The following PBX1 variants were observed in gnomAD, a reference collection of about 807,000 sequenced individuals.
PBX1 encodes PBX homeobox 1, also known as pre-B-cell leukemia transcription factor 1.
In PBX1, 6 loss-of-function variants were observed where a neutral mutation model predicts 53.4. That is an observed-to-expected ratio of 0.11 (90% CI 0.06 to 0.22). The LOEUF is 0.22. Among genes scored for constraint, PBX1 ranks in the 10% least tolerant of loss-of-function variants. The pLI, the probability that PBX1 is intolerant of heterozygous loss-of-function variation, is 1.00. For synonymous variants in PBX1, 204 were observed against 212.3 expected, an observed-to-expected ratio of 0.96 and a Z score of 0.34; for missense variants, 251 against 551.4, an observed-to-expected ratio of 0.46 and a Z score of 5.46.
At chr1:164,631,311 A>T (rs1658398687) in intron 2 of PBX1, among the ~76,000 whole-genome samples, 1 of 151,888 alleles carries the variant, frequency 6.6e-6, no homozygotes, top group Non-Finnish European at 1.5e-5. Flanking sequence ...ACAGTATTCA[A>T]AGTGCTTTCT....
chr1:164,865,118 G>A (rs937411742), intron 2 of PBX1, among the ~76,000 whole-genome samples: 11 of 152,224 alleles, frequency 7.2e-5, no homozygotes, highest in Non-Finnish European at 2.9e-5. Flanking sequence ...TGGAGCTTCA[G>A]AACAATCCTG....
intron 2 of PBX1, among the ~76,000 whole-genome samples, chr1:164,753,808 A>G (rs1437990153): frequency 6.6e-6 from 1 of 152,034 alleles, no homozygotes; most frequent in Non-Finnish European, 1.5e-5. Context: ...TTTCCTTTTC[A>G]ATTTGGGCCC....
chr1:164,755,663 A>G lies in PBX1; in HGVS notation c.266-36831A>G, dbSNP rs188820992. Reference sequence around the variant, plus strand: ...GTCGGCAGTGAGGTAAAGTGAAACAAAAGACAGTGTCCCCAACTCTGCCAT... The same window carrying G: ...GTCGGCAGTGAGGTAAAGTGAAACAGAAGACAGTGTCCCCAACTCTGCCAT... On this transcript the variant is annotated intron_variant, in intron 2 of 8. Transcript: ENST00000420696. Among the ~76,000 whole-genome samples, 97 of 152,230 alleles carry G rather than the reference A, an allele frequency of 6.4e-4. 1 individual carries two copies. Among genetic ancestry groups the G allele is most frequent in the African/African-American group, 2.3e-3 (96 of 41,524 alleles).
chr1:164,832,107 C>T (rs542877525), intron 8 of PBX1, among the ~76,000 whole-genome samples: 276 of 152,166 alleles, frequency 1.8e-3, no homozygotes, highest in Non-Finnish European at 3.3e-3. Context: ...CCTCTTTTGC[C>T]TTTTGCCGTT....
chr1:164,877,775 G>A (rs1672552844), intron 2 of PBX1, among the ~76,000 whole-genome samples: 1 of 152,144 alleles, frequency 6.6e-6, no homozygotes, highest in African/African-American at 2.4e-5. Context: ...AATTTGGTAA[G>A]TTTTGACATA....
intron 2 of PBX1, among the ~76,000 whole-genome samples, chr1:164,868,464 G>T (rs963656392): frequency 6.6e-6 from 1 of 152,210 alleles, no homozygotes; most frequent in African/African-American, 2.4e-5. Context: ...CCTACATGGA[G>T]TACAGGAAAG....
chr1:164,635,347 CA>C (rs1011493749), intron 2 of PBX1, among the ~76,000 whole-genome samples: 5 of 152,092 alleles, frequency 3.3e-5, no homozygotes, highest in African/African-American at 1.2e-4. Flanking sequence ...GGAGGGGAAC[CA>C]GGCTAAACCA....
intron 2 of PBX1, among the ~76,000 whole-genome samples, chr1:164,751,422 A>C (rs1010919219): frequency 6.6e-6 from 1 of 152,152 alleles, no homozygotes; most frequent in Admixed American, 6.5e-5. Flanking sequence ...CACAGACTGA[A>C]TGCAGAAACA....
At chr1:164,647,972 G>A (rs1571143483) in intron 2 of PBX1, among the ~76,000 whole-genome samples, 3 of 151,954 alleles carry the variant, frequency 2.0e-5, no homozygotes, top group South Asian at 2.1e-4. Context: ...CCACCACTAC[G>A]CCCGGCTAAT....
At chr1:164,860,102 C>G (rs1672062983) in intron 2 of PBX1, among the ~76,000 whole-genome samples, 1 of 152,180 alleles carries the variant, frequency 6.6e-6, no homozygotes. Flanking sequence ...AATCATCTAG[C>G]TTCAAGGAGA....
At chr1:164,802,681 T>C (rs967920653) in intron 4 of PBX1, among the ~76,000 whole-genome samples, 3 of 152,176 alleles carry the variant, frequency 2.0e-5, no homozygotes, top group Non-Finnish European at 4.4e-5. Flanking sequence ...TTTCGGCCCT[T>C]TATGCCACTC....
chr1:164,846,765 A>C lies in PBX1; in HGVS notation c.*89A>C. On this transcript the variant is annotated 3_prime_UTR_variant, in exon 9 of 9. Transcript: ENST00000420696. The stretch of plus-strand genomic sequence containing the variant: ...TTTCTCTCCCAACGCTGAAGCGGTC[A>C]GACTGGAGGTCGAAGCAATCAGCAA... 6.2e-7 allele frequency: 1 copy of C among 1,605,728 alleles called. No homozygotes were observed. The highest frequency in any genetic ancestry group is 8.5e-7 in the Non-Finnish European group (1 of 1,175,926).
At position 164,875,988 on chromosome 1, in the gene PBX1, G is replaced by GTGTATATATA. The variant is rs776802784; in HGVS notation, n.258-23199_258-23198insGTATATATAT. Among the ~76,000 whole-genome samples the GTGTATATATA allele has an allele frequency of 3.8e-3, 216 of 56,944 alleles. 12 individuals are homozygous for GTGTATATATA. The highest frequency in any genetic ancestry group is 8.3e-3 in the African/African-American group (199 of 23,892). 37.4% of individuals were successfully genotyped at this position (56,944 alleles called of 152,430 possible). ...ATACCTATATATATTTGGTGTATGT[G>GTGTATATATA]TATATATATATATATATACACACAT... On this transcript the variant is annotated intron_variant and non_coding_transcript_variant, in intron 2 of 2. Transcript: ENST00000558796.
chr1:164,706,765 A>G (rs1056180557), intron 2 of PBX1, among the ~76,000 whole-genome samples: 1 of 152,114 alleles, frequency 6.6e-6, no homozygotes, highest in Admixed American at 6.5e-5. Flanking sequence ...ACATAACCCT[A>G]CCCTCAAAAG....
At chr1:164,884,652 A>C (rs1022244663) in intron 2 of PBX1, 4 of 431,420 alleles carry the variant, frequency 9.3e-6, no homozygotes, top group Non-Finnish European at 1.8e-5. Context: ...TCTCTTCCGG[A>C]ATGACACATA....
chr1:164,722,826 GA>G (rs1162140595), intron 2 of PBX1, among the ~76,000 whole-genome samples: 1 of 152,198 alleles, frequency 6.6e-6, no homozygotes, highest in African/African-American at 2.4e-5. Flanking sequence ...ACTCCTTTTT[GA>G]AGAGCAACTG....
At chr1:164,688,124 G>A (rs1213452100) in intron 2 of PBX1, among the ~76,000 whole-genome samples, 1 of 152,160 alleles carries the variant, frequency 6.6e-6, no homozygotes, top group Non-Finnish European at 1.5e-5. Flanking sequence ...CAAGGACCAT[G>A]CATCTCATGC....
At chr1:164,762,588 C>T (rs1159858645) in intron 2 of PBX1, among the ~76,000 whole-genome samples, 2 of 152,166 alleles carry the variant, frequency 1.3e-5, no homozygotes, top group East Asian at 3.8e-4. Flanking sequence ...GCAGTAGGTC[C>T]ATTCCTCCAT....
intron 2 of PBX1, chr1:164,680,202 G>A (rs143916484): frequency 2.0e-5 from 3 of 152,234 alleles, no homozygotes; most frequent in African/African-American, 7.2e-5. Context: ...TATTTCATAA[G>A]GAATTAGAAC....
Sources: gnomAD v4.1 joint callset for allele counts (sites outside exome capture counted in the v4.1 genomes callset) on GRCh38, gnomAD v4.1.1 for gene constraint, MANE v1.5 for transcripts, NCBI Gene and HGNC (gene_info 2026-07-23, HGNC 2026-07-21) for gene names.